Variants in PPP2R2A observed in about 807,000 individuals in gnomAD.
PPP2R2A encodes protein phosphatase 2 regulatory subunit Balpha, also known as serine/threonine-protein phosphatase 2A 55 kDa regulatory subunit B alpha isoform.
PPP2R2A carries 9 observed loss-of-function variants against 53.2 expected under a neutral mutation model. The observed-to-expected ratio is 0.17, with a 90% CI of 0.10 to 0.30. The LOEUF is 0.30. Among genes scored for constraint, PPP2R2A ranks in the 10% least tolerant of loss-of-function variants. PPP2R2A has a pLI of 1.00. For missense variants in PPP2R2A, 235 were observed against 534.6 expected (o/e 0.44, Z 5.53); for synonymous variants, 169 against 174.2 (o/e 0.97, Z 0.23).
Position 26,370,227 on chromosome 8 carries a change from TAAGCCTCGCACAGTTCTG to T in PPP2R2A, c.1169_1186del (p.Thr390_Arg395del). 1.2e-6 allele frequency: 2 copies of T among 1,614,066 alleles called. No individual in the cohort carries two copies. Among genetic ancestry groups the T allele is most frequent in the Non-Finnish European group, 1.7e-6 (2 of 1,180,010 alleles). On this transcript the variant is annotated inframe_deletion, in exon 10 of 10. Transcript: ENST00000380737. This position sits in a 1 kb window ranked among gnomAD's most constrained non-coding sequence, Gnocchi z 6.1. ...CCCTAGAAGCATCGCGGGAAAACAA[TAAGCCTCGCACAGTTCTG>T]AAGCCTCGCAAAGTCTGTGCAAGTG...
intron 3 of PPP2R2A, among the ~76,000 whole-genome samples, chr8:26,348,569 T>A (rs539010560): frequency 6.6e-6 from 1 of 152,332 alleles, no homozygotes; most frequent in Non-Finnish European, 1.5e-5. Context: ...ATCATGAATA[T>A]GTAAATATTC....
intron 2 of PPP2R2A, among the ~76,000 whole-genome samples, chr8:26,299,245 G>C (rs1801675998): frequency 6.9e-6 from 1 of 145,488 alleles, no homozygotes; most frequent in South Asian, 2.3e-4. Flanking sequence ...CTGGACAATA[G>C]AGTAAGACTC....
At chr8:26,298,351 C>T (rs1801635087) in intron 2 of PPP2R2A, among the ~76,000 whole-genome samples, 1 of 152,196 alleles carries the variant, frequency 6.6e-6, no homozygotes, top group Admixed American at 6.5e-5. Context: ...CCGCTGGGTT[C>T]CTTGGTGCTT....
At chr8:26,352,894 C>T (rs570431286) in intron 3 of PPP2R2A, among the ~76,000 whole-genome samples, 2 of 152,268 alleles carry the variant, frequency 1.3e-5, no homozygotes, top group South Asian at 2.1e-4. Context: ...TAAAGTTTGA[C>T]GTACACAAGT....
chr8:26,349,375 G>T (rs1804380585), intron 3 of PPP2R2A, among the ~76,000 whole-genome samples: 1 of 152,150 alleles, frequency 6.6e-6, no homozygotes, highest in African/African-American at 2.4e-5. Context: ...TTAGGGAGAC[G>T]AAGAGACTGT....
rs1160863262 is a variant in PPP2R2A, at chr8:26,300,505, G to T, written c.82+6765G>T. On this transcript the variant is annotated intron_variant, in intron 2 of 9. Transcript: ENST00000380737. ...CTCGTTGCCCTTTAAGGTGATGATG[G>T]AATTTGTAATTAAGTAATCAAGTAT... Among the ~76,000 whole-genome samples the T allele has an allele frequency of 2.6e-5, 4 of 152,124 alleles. No homozygotes were observed. The East Asian group carries it at 7.7e-4, about 29-fold the overall frequency.
At chr8:26,337,513 A>T (rs1803725357) in intron 2 of PPP2R2A, among the ~76,000 whole-genome samples, 1 of 152,166 alleles carries the variant, frequency 6.6e-6, no homozygotes, top group African/African-American at 2.4e-5. Context: ...GTATATTTTT[A>T]ATCCTTTATT....
intron 3 of PPP2R2A, among the ~76,000 whole-genome samples, chr8:26,342,369 A>T (rs1411948358): frequency 6.6e-6 from 1 of 152,200 alleles, no homozygotes; most frequent in Non-Finnish European, 1.5e-5. Context: ...TGTTAATGAA[A>T]ATATTAATAC....
chr8:26,348,086 A>G (rs1396278552), intron 3 of PPP2R2A, among the ~76,000 whole-genome samples: 1 of 152,224 alleles, frequency 6.6e-6, no homozygotes, highest in Non-Finnish European at 1.5e-5. Context: ...TACTGCTATA[A>G]AATATAAAAC....
chr8:26,319,617 A>G (rs1255259869), intron 2 of PPP2R2A, among the ~76,000 whole-genome samples: 1 of 152,028 alleles, frequency 6.6e-6, no homozygotes, highest in Admixed American at 6.6e-5. Context: ...AAAAGACTGT[A>G]CTTTTCCCCA....
chr8:26,305,208 G>A (rs888428636), intron 2 of PPP2R2A, among the ~76,000 whole-genome samples: 5 of 152,058 alleles, frequency 3.3e-5, no homozygotes, highest in African/African-American at 9.7e-5. Flanking sequence ...TGTCTTCAGG[G>A]TTCATCCCTG....
In PPP2R2A at chr8:26,370,023, G is replaced by A. The variant is rs966102806; in HGVS notation, c.1065-111G>A. The A allele has an allele frequency of 1.7e-6, 2 of 1,160,992 alleles. No homozygotes were observed. The allele number at this position is 1,160,992 out of a possible 1,614,324, so 71.9% of individuals were successfully genotyped here. ...TGATGTCAACAGCCCCTGTCCCTTA[G>A]TTTAAATCTGCTTTTGAAGTAGCTT... On this transcript the variant is annotated intron_variant, in intron 9 of 9. Coordinates refer to ENST00000380737, the MANE Select transcript of PPP2R2A (RefSeq NM_002717.4). This position sits in a 1 kb window ranked among gnomAD's most constrained non-coding sequence, Gnocchi z 6.1.
In PPP2R2A at chr8:26,362,514, TA is replaced by T. The variant is rs200651645; in HGVS notation, c.638-160del. On this transcript the variant is annotated intron_variant, in intron 6 of 9. Transcript: ENST00000380737. This position sits in a 1 kb window ranked among gnomAD's most constrained non-coding sequence, Gnocchi z 4.4. The stretch of plus-strand genomic sequence containing the variant: ...AGTGAAACTCCGTCTAAATAAAAAT[TA>T]AAAAAAAAAGTTTTAATCCCTTTGG... Among the ~76,000 whole-genome samples the T allele has an allele frequency of 2.0e-5, 3 of 148,892 alleles. No individual in the cohort carries two copies. Among genetic ancestry groups the T allele is most frequent in the South Asian group, 2.1e-4 (1 of 4,714 alleles).
Position 26,293,687 on chromosome 8 carries a change from T to A in PPP2R2A, c.29T>A (p.Ile10Asn). The part of the protein sequence containing the change: MAGAGGGND[I>N]QWCFSQVKGA... Reference sequence around the variant, plus strand: ...CCAGGAGCTGGAGGAGGGAATGATATTCAGTGGTGTTTTTCTCAGGTGAAA... The same window carrying A: ...CCAGGAGCTGGAGGAGGGAATGATAATCAGTGGTGTTTTTCTCAGGTGAAA... The change falls in exon 2 of 10, where the codon ATT becomes AAT. Residue 10 changes from isoleucine to asparagine, a missense_variant. Ile to Asn is a moderately radical substitution (Grantham distance 149). Around this residue, in one of 3 missense-constraint regions of PPP2R2A, gnomAD observed 51 missense variants for 80.6 expected, o/e 0.63. Transcript: ENST00000380737. The A allele has an allele frequency of 6.2e-7, 1 of 1,613,454 alleles. No individual in the cohort carries two copies. The highest frequency in any genetic ancestry group is 8.5e-7 in the Non-Finnish European group (1 of 1,179,730).
At chr8:26,306,172 CA>C (rs34167453) in intron 2 of PPP2R2A, among the ~76,000 whole-genome samples, 28 of 135,042 alleles carry the variant, frequency 2.1e-4, no homozygotes, top group Admixed American at 2.2e-4. Flanking sequence ...GACTCCATCT[CA>C]AAAAAAAAAA....
rs182699083 is a variant in PPP2R2A, at chr8:26,299,664, C to T, written c.82+5924C>T. 4.6e-5 allele frequency among the ~76,000 whole-genome samples: 7 copies of T among 151,774 alleles called. No homozygotes were observed. The East Asian group carries it at 1.4e-3, about 29-fold the overall frequency. On this transcript the variant is annotated intron_variant, in intron 2 of 9. Transcript: ENST00000380737. ...ACAATTTAATGGTTTTAGTCCATTC[C>T]ATATGTTTAATGCTATAATGTAAAC...
chr8:26,317,560 T>G (rs1466390203), intron 2 of PPP2R2A, among the ~76,000 whole-genome samples: 1 of 152,164 alleles, frequency 6.6e-6, no homozygotes, highest in African/African-American at 2.4e-5. Context: ...AAATATATGA[T>G]AACTTCAGTT....
chr8:26,297,247 C>G (rs1369811073), intron 2 of PPP2R2A, among the ~76,000 whole-genome samples: 1 of 152,090 alleles, frequency 6.6e-6, no homozygotes, highest in Non-Finnish European at 1.5e-5. Context: ...GAAGCTGGGA[C>G]TACAGGTGCA....
At chr8:26,352,145 A>G (rs1309251262) in intron 3 of PPP2R2A, among the ~76,000 whole-genome samples, 2 of 152,220 alleles carry the variant, frequency 1.3e-5, no homozygotes, top group Non-Finnish European at 2.9e-5. Flanking sequence ...GCCAGTATGA[A>G]TTGTTGAAGG....
Sources: gnomAD v4.1 joint callset for allele counts (sites outside exome capture counted in the v4.1 genomes callset) on GRCh38, gnomAD v4.1.1 for gene constraint, gnomAD v4.1.1 regional missense constraint, Gnocchi (gnomAD v3.1) non-coding constraint, MANE v1.5 for transcripts, NCBI Gene and HGNC (gene_info 2026-07-23, HGNC 2026-07-21) for gene names.